CFAP299: variants seen among roughly 807,000 people sequenced by gnomAD.
CFAP299 encodes the protein cilia- and flagella-associated protein 299.
Under a neutral mutation model 27.0 loss-of-function variants are expected in CFAP299, and 21 were observed. The ratio of observed to expected loss-of-function variants is 0.78; its 90% CI spans 0.55 to 1.12. The LOEUF (loss-of-function observed/expected upper bound fraction) is 1.12, where lower values mean the gene tolerates loss of function less well. CFAP299 is among the 50% of genes most tolerant of loss of function. The pLI, the probability that CFAP299 is intolerant of heterozygous loss-of-function variation, is 0.00. For synonymous variants in CFAP299, 104 were observed against 98.1 expected, an observed-to-expected ratio of 1.06 and a Z score of -0.36; for missense variants, 310 against 276.6, an observed-to-expected ratio of 1.12 and a Z score of -0.86.
At chr4:80,605,853 T>C (rs532780116) in intron 3 of CFAP299, among the ~76,000 whole-genome samples, 2 of 152,312 alleles carry the variant, frequency 1.3e-5, no homozygotes, top group African/African-American at 4.8e-5. Flanking sequence ...AAGTTTTTTT[T>C]TTAACAGTCT....
chr4:80,376,281 G>T (rs1355161789), intron 2 of CFAP299, among the ~76,000 whole-genome samples: 1 of 152,016 alleles, frequency 6.6e-6, no homozygotes, highest in African/African-American at 2.4e-5. Flanking sequence ...CATTTTCTAG[G>T]TGGATAATAG....
chr4:80,726,343 C>A (rs1308794365), intron 3 of CFAP299, among the ~76,000 whole-genome samples: 3 of 151,842 alleles, frequency 2.0e-5, no homozygotes, highest in African/African-American at 7.3e-5. Flanking sequence ...GTGGTTTTTG[C>A]CTTTTTTAAA....
At chr4:80,497,565 T>G (rs936236559) in intron 2 of CFAP299, among the ~76,000 whole-genome samples, 1 of 152,160 alleles carries the variant, frequency 6.6e-6, no homozygotes, top group African/African-American at 2.4e-5. Context: ...AAAGATTGCC[T>G]GTGATTTTGT....
chr4:80,794,940 C>T (rs1450720516), intron 3 of CFAP299, among the ~76,000 whole-genome samples: 1 of 152,148 alleles, frequency 6.6e-6, no homozygotes, highest in Admixed American at 6.5e-5. Context: ...TGGCCATAGC[C>T]AGGTCAACCT....
intron 2 of CFAP299, among the ~76,000 whole-genome samples, chr4:80,444,958 C>A (rs183873798): frequency 6.6e-6 from 1 of 152,072 alleles, no homozygotes; most frequent in Non-Finnish European, 1.5e-5. Flanking sequence ...ACATGCAAAT[C>A]GAAACCACAA....
At chr4:80,959,480 G>C (rs2109867961) in intron 5 of CFAP299, among the ~76,000 whole-genome samples, 1 of 151,756 alleles carries the variant, frequency 6.6e-6, no homozygotes, top group Middle Eastern at 3.4e-3. Flanking sequence ...TTTCCTTTAA[G>C]TTAAAAACAA....
At chr4:80,624,961 C>T (rs1164530865) in intron 3 of CFAP299, among the ~76,000 whole-genome samples, 1 of 152,012 alleles carries the variant, frequency 6.6e-6, no homozygotes, top group African/African-American at 2.4e-5. Flanking sequence ...TTCATCACCA[C>T]CAGACTTGTC....
At chr4:80,814,030 C>A (rs1729297554) in intron 3 of CFAP299, among the ~76,000 whole-genome samples, 1 of 151,934 alleles carries the variant, frequency 6.6e-6, no homozygotes, top group African/African-American at 2.4e-5. Flanking sequence ...CATCTTCCAA[C>A]CTGCTATGAT....
intron 3 of CFAP299, among the ~76,000 whole-genome samples, chr4:80,738,146 C>CATATGGACTATCCTTGAGAATAGTCTCAT (rs1724024567): frequency 6.6e-6 from 1 of 152,130 alleles, no homozygotes; most frequent in Admixed American, 6.6e-5. Context: ...TGTGACCTAA[C>CATATGGACTATCCTTGAGAATAGTCTCAT]ATATGGACTA....
At chr4:80,594,570 T>C (rs530682456) in intron 3 of CFAP299, among the ~76,000 whole-genome samples, 48 of 152,364 alleles carry the variant, frequency 3.2e-4, no homozygotes, top group African/African-American at 1.1e-3. Flanking sequence ...ATAATCTTGC[T>C]TTATATGTCA....
chr4:80,788,318 G>A (rs569385343), intron 3 of CFAP299, among the ~76,000 whole-genome samples: 37 of 152,044 alleles, frequency 2.4e-4, no homozygotes, highest in African/African-American at 8.7e-4. Context: ...AAGTTCATAA[G>A]CTTGGGAGTT....
intron 3 of CFAP299, among the ~76,000 whole-genome samples, chr4:80,869,517 T>C (rs2110167281): frequency 6.6e-6 from 1 of 152,308 alleles, no homozygotes; most frequent in South Asian, 2.1e-4. Context: ...TGTTAGTACT[T>C]TTCTTTTTTC....
Position 80,636,408 on chromosome 4 carries a change from C to T in CFAP299, c.333+53225C>T, listed in dbSNP as rs147657872. On this transcript the variant is annotated intron_variant, in intron 3 of 5. Coordinates refer to ENST00000358105, the MANE Select transcript of CFAP299 (RefSeq NM_152770.3). Reference sequence around the variant, plus strand: ...AAAGAAAAGCAATAAAGTTTACAAACGAGAATTTTTAAGATTAAAAAAATC... The same window carrying T: ...AAAGAAAAGCAATAAAGTTTACAAATGAGAATTTTTAAGATTAAAAAAATC... Among the ~76,000 whole-genome samples the T allele has an allele frequency of 4.1e-3, 617 of 152,106 alleles. 4 individuals carry two copies. The highest frequency in any genetic ancestry group is 5.7e-3 in the Non-Finnish European group (385 of 67,984).
chr4:80,735,598 A>G (rs1723810473), intron 3 of CFAP299, among the ~76,000 whole-genome samples: 1 of 152,082 alleles, frequency 6.6e-6, no homozygotes, highest in Non-Finnish European at 1.5e-5. Flanking sequence ...TTATTATGTT[A>G]TAATATGTTC....
chr4:80,872,626 C>T (rs1445680820), intron 4 of CFAP299: 1 of 152,148 alleles, frequency 6.6e-6, no homozygotes, highest in African/African-American at 2.4e-5. Context: ...CCCTCATCCT[C>T]ACCAACACAA....
intron 3 of CFAP299, among the ~76,000 whole-genome samples, chr4:80,866,059 T>TTTTTTATATA (rs886156357): frequency 1.6e-3 from 91 of 58,380 alleles, no homozygotes; most frequent in African/African-American, 3.4e-3. Context: ...ACTTAAAGTA[T>TTTTTTATATA]TATATATATA....
At chr4:80,690,595 A>G (rs1253746208) in intron 3 of CFAP299, among the ~76,000 whole-genome samples, 1 of 152,176 alleles carries the variant, frequency 6.6e-6, no homozygotes, top group African/African-American at 2.4e-5. Flanking sequence ...AAAGCAGGAA[A>G]GATCCAAAAT....
At chr4:80,615,611 C>A (rs1738230581) in intron 3 of CFAP299, among the ~76,000 whole-genome samples, 1 of 151,962 alleles carries the variant, frequency 6.6e-6, no homozygotes, top group Non-Finnish European at 1.5e-5. Flanking sequence ...TAGCTCACTG[C>A]AGCCTCAAAC....
At chr4:80,689,136 G>C (rs1480026842) in intron 3 of CFAP299, among the ~76,000 whole-genome samples, 1 of 152,142 alleles carries the variant, frequency 6.6e-6, no homozygotes, top group African/African-American at 2.4e-5. Context: ...TTATCCAGGA[G>C]AACTTCCCCA....
Sources: gnomAD v4.1 joint callset for allele counts (sites outside exome capture counted in the v4.1 genomes callset) on GRCh38, gnomAD v4.1.1 for gene constraint, MANE v1.5 for transcripts, NCBI Gene and HGNC (gene_info 2026-07-23, HGNC 2026-07-21) for gene names.